The following ROBO1 variants were observed in gnomAD, a reference collection of about 807,000 sequenced individuals.
ROBO1 encodes roundabout guidance receptor 1, also known as roundabout homolog 1.
In ROBO1, 149 loss-of-function variants were observed where a neutral mutation model predicts 195.9. The ratio of observed to expected loss-of-function variants is 0.76; its 90% CI spans 0.67 to 0.87. ROBO1 has a LOEUF of 0.87. Ranked by LOEUF, ROBO1 falls within the 40% of genes least tolerant of loss-of-function variation. The probability of loss-of-function intolerance (pLI) is 0.00; values close to 1 mark genes in which losing one functional copy is unlikely to be tolerated. For synonymous variants in ROBO1, 816 were observed against 733.2 expected, an observed-to-expected ratio of 1.11 and a Z score of -1.82; for missense variants, 1,933 against 2,068.3, an observed-to-expected ratio of 0.93 and a Z score of 1.27.
chr3:78,857,437 A>C (rs1369062776), intron 4 of ROBO1, among the ~76,000 whole-genome samples: 1 of 152,196 alleles, frequency 6.6e-6, no homozygotes, highest in Non-Finnish European at 1.5e-5. Flanking sequence ...CCTTATTCTG[A>C]GTGTGGTATT....
At chr3:78,764,279 T>G (rs1313801811) in intron 4 of ROBO1, among the ~76,000 whole-genome samples, 1 of 152,124 alleles carries the variant, frequency 6.6e-6, no homozygotes, top group Non-Finnish European at 1.5e-5. Context: ...TTCTTCATTG[T>G]ACAGAGGGAA....
intron 2 of ROBO1, among the ~76,000 whole-genome samples, chr3:79,253,273 T>C (rs2082766362): frequency 6.6e-6 from 1 of 152,140 alleles, no homozygotes; most frequent in Admixed American, 6.6e-5. Context: ...ACTAACAGAC[T>C]CCAGATGTAC....
At chr3:79,200,676 T>A (rs1435601605) in intron 2 of ROBO1, among the ~76,000 whole-genome samples, 1 of 151,860 alleles carries the variant, frequency 6.6e-6, no homozygotes. Flanking sequence ...TGTGCAATTT[T>A]TGGCCAGAGA....
chr3:79,263,021 G>T, intron 2 of ROBO1, among the ~76,000 whole-genome samples: 1 of 152,062 alleles, frequency 6.6e-6, no homozygotes, highest in Middle Eastern at 3.4e-3. Flanking sequence ...TAAAACTCAA[G>T]ATTTTACATA....
At chr3:79,427,191 T>C (rs1295171287) in intron 2 of ROBO1, among the ~76,000 whole-genome samples, 2 of 152,186 alleles carry the variant, frequency 1.3e-5, no homozygotes, top group Non-Finnish European at 2.9e-5. Context: ...CTGATTCGAA[T>C]AGGGATTGTG....
At chr3:79,512,557 A>G (rs1382781792) in intron 2 of ROBO1, among the ~76,000 whole-genome samples, 1 of 152,130 alleles carries the variant, frequency 6.6e-6, no homozygotes, top group Non-Finnish European at 1.5e-5. Context: ...AGTTGTTACT[A>G]TTTATTGATC....
intron 2 of ROBO1, among the ~76,000 whole-genome samples, chr3:79,308,201 G>A (rs969496315): frequency 6.6e-6 from 1 of 152,130 alleles, no homozygotes; most frequent in South Asian, 2.1e-4. Flanking sequence ...AACTGGTAAA[G>A]TAGAAGTTGT....
At chr3:79,047,940 A>C (rs1459154119) in intron 3 of ROBO1, among the ~76,000 whole-genome samples, 1 of 152,134 alleles carries the variant, frequency 6.6e-6, no homozygotes, top group African/African-American at 2.4e-5. Context: ...GGAAAGGCAT[A>C]TAGGCATATA....
At chr3:79,180,888 T>A (rs1350800545) in intron 2 of ROBO1, among the ~76,000 whole-genome samples, 1 of 152,078 alleles carries the variant, frequency 6.6e-6, no homozygotes, top group Non-Finnish European at 1.5e-5. Context: ...GTGATTTCCA[T>A]TCAGAACGCA....
intron 4 of ROBO1, among the ~76,000 whole-genome samples, chr3:78,888,515 C>T (rs2036696653): frequency 6.6e-6 from 1 of 152,184 alleles, no homozygotes; most frequent in Admixed American, 6.5e-5. Flanking sequence ...TCGAAATACA[C>T]ACAGACACAC....
intron 2 of ROBO1, among the ~76,000 whole-genome samples, chr3:79,406,226 G>T (rs1443948652): frequency 1.3e-5 from 2 of 148,806 alleles, no homozygotes; most frequent in East Asian, 4.0e-4. Flanking sequence ...TTCAAGTCTG[G>T]GAACATAGTG....
At chr3:78,677,321 C>G (rs1453187592) in intron 10 of ROBO1, among the ~76,000 whole-genome samples, 1 of 152,078 alleles carries the variant, frequency 6.6e-6, no homozygotes, top group Non-Finnish European at 1.5e-5. Context: ...TCACACATAA[C>G]AATATTAACT....
chr3:79,668,548 TCCTTGCATCAGAGGATAATCATTCAGCCC>T (rs1034797112), intron 1 of ROBO1, among the ~76,000 whole-genome samples: 4 of 151,742 alleles, frequency 2.6e-5, no homozygotes, highest in Non-Finnish European at 4.4e-5. Flanking sequence ...TCAATGCAAT[TCCTTGCATCAGAGGATAATCATTCAGCCC>T]AGGGAAAGAC....
rs966388192 is a variant in ROBO1, at chr3:79,100,121, G to C, written c.172+25335C>G. On this transcript the variant is annotated intron_variant, in intron 3 of 30. Coordinates refer to ENST00000464233, the MANE Select transcript of ROBO1 (RefSeq NM_002941.4). ...CCAGCTTTTGTTGTTTCATTATTGAGGAATGGCCACTACAGTTGGGGAAAC... is the reference window on the plus strand; with the variant it reads ...CCAGCTTTTGTTGTTTCATTATTGACGAATGGCCACTACAGTTGGGGAAAC... Among the ~76,000 whole-genome samples the C allele has an allele frequency of 2.0e-5, 3 of 151,720 alleles. No homozygotes were observed. The East Asian group carries it at 5.8e-4, about 29-fold the overall frequency.
intron 3 of ROBO1, among the ~76,000 whole-genome samples, chr3:79,067,309 A>T (rs997716515): frequency 6.6e-6 from 1 of 152,056 alleles, no homozygotes; most frequent in African/African-American, 2.4e-5. Context: ...AACCAAGTCA[A>T]GTGAAGTTAA....
intron 2 of ROBO1, among the ~76,000 whole-genome samples, chr3:79,213,075 C>G (rs1399066437): frequency 6.6e-6 from 1 of 151,672 alleles, no homozygotes; most frequent in Non-Finnish European, 1.5e-5. Flanking sequence ...GAAACCCCAT[C>G]TCTACTAAAA....
At chr3:79,386,619 G>A (rs2036758109) in intron 2 of ROBO1, among the ~76,000 whole-genome samples, 1 of 152,108 alleles carries the variant, frequency 6.6e-6, no homozygotes, top group South Asian at 2.1e-4. Context: ...ATGGATGAAA[G>A]TGCAGATGCA....
chr3:79,570,980 A>G (rs1293195382), intron 2 of ROBO1, among the ~76,000 whole-genome samples: 2 of 152,154 alleles, frequency 1.3e-5, no homozygotes, highest in Non-Finnish European at 2.9e-5. Context: ...ATAGTGCTAA[A>G]ATAAAATCAT....
intron 2 of ROBO1, among the ~76,000 whole-genome samples, chr3:79,420,492 G>A (rs973031841): frequency 1.3e-5 from 2 of 152,184 alleles, no homozygotes; most frequent in Non-Finnish European, 2.9e-5. Context: ...GATAAGGATA[G>A]CATATCCTGG....
Sources: gnomAD v4.1 joint callset for allele counts (sites outside exome capture counted in the v4.1 genomes callset) on GRCh38, gnomAD v4.1.1 for gene constraint, MANE v1.5 for transcripts, NCBI Gene and HGNC (gene_info 2026-07-23, HGNC 2026-07-21) for gene names.